CAST: variants seen among roughly 807,000 people sequenced by gnomAD.
CAST encodes the protein calpastatin, also known as MIR583 host.
A neutral mutation model predicts 119.6 loss-of-function variants in CAST; 76 were observed. That is an observed-to-expected ratio of 0.64 (90% CI 0.53 to 0.77). CAST has a LOEUF of 0.77. Ranked by LOEUF, CAST falls within the 30% of genes least tolerant of loss-of-function variation. The probability of loss-of-function intolerance (pLI) is 0.00; values close to 1 mark genes in which losing one functional copy is unlikely to be tolerated. For synonymous variants in CAST, 319 were observed against 331.6 expected (o/e 0.96, Z 0.41); for missense variants, 953 against 946.5 (o/e 1.01, Z -0.09).
chr5:96,729,181 A>T lies in CAST; in HGVS notation c.407A>T (p.Gln136Leu). The T allele has an allele frequency of 5.0e-6, 8 of 1,602,292 alleles. No individual in the cohort carries two copies. Among genetic ancestry groups the T allele is most frequent in the Non-Finnish European group, 6.8e-6 (8 of 1,170,174 alleles). The change falls in exon 7 of 32, where the codon CAA (glutamine) becomes CTA (leucine). Residue 136 changes from glutamine to leucine, a missense_variant. By Grantham distance (113) the Gln-to-Leu change is moderately radical. Coordinates refer to ENST00000675179, the MANE Select transcript of CAST (RefSeq NM_001750.7). ...TCTGTGGTTCATGAGAAAAAATCCC[A>T]AGAAGGAAAGCCAAAAGAACACACA... The part of the protein sequence containing the change: ...KLSVVHEKKS[Q>L]EGKPKEHTEP...
the CAST span, among the ~76,000 whole-genome samples, chr5:96,492,997 AC>A: frequency 6.6e-6 from 1 of 152,266 alleles, no homozygotes; most frequent in Non-Finnish European, 1.5e-5. Flanking sequence ...CCCCGTTTTT[AC>A]AAAAACAAAC....
At chr5:96,664,435 A>T (rs892717588) in intron 1 of CAST, among the ~76,000 whole-genome samples, 6 of 151,910 alleles carry the variant, frequency 3.9e-5, no homozygotes, top group Non-Finnish European at 8.8e-5. Flanking sequence ...ACACACATAC[A>T]ATATACTGTA....
the CAST span, among the ~76,000 whole-genome samples, chr5:96,201,255 T>C: frequency 4.3e-3 from 659 of 152,322 alleles, 4 homozygotes; most frequent in African/African-American, 0.015. Flanking sequence ...TTAGCAACTA[T>C]GTGCTAAGTG....
At chr5:96,256,105 A>C in the CAST span, among the ~76,000 whole-genome samples, 1 of 151,626 alleles carries the variant, frequency 6.6e-6, no homozygotes, top group Non-Finnish European at 1.5e-5. Flanking sequence ...TTCTCAGAGC[A>C]TGGTTAAGGA....
At chr5:96,220,470 C>CT in the CAST span, among the ~76,000 whole-genome samples, 9 of 152,068 alleles carry the variant, frequency 5.9e-5, no homozygotes, top group Non-Finnish European at 8.8e-5. Context: ...AGGAATAAAC[C>CT]TTTGAAATTA....
intron 1 of CAST, among the ~76,000 whole-genome samples, chr5:96,618,811 G>A (rs183928580): frequency 8.5e-5 from 13 of 152,148 alleles, no homozygotes; most frequent in East Asian, 1.9e-4. Flanking sequence ...GTGGGCTCCC[G>A]GGGGACCTGA....
the CAST span, among the ~76,000 whole-genome samples, chr5:96,263,240 C>CA: frequency 6.6e-6 from 1 of 152,070 alleles, no homozygotes. Context: ...CTGCCTGTAT[C>CA]CCAGAGTTCT....
chr5:96,061,666 T>C, the CAST span, among the ~76,000 whole-genome samples: 7 of 135,562 alleles, frequency 5.2e-5, no homozygotes, highest in South Asian at 2.4e-4. Context: ...TGTGTGTGTG[T>C]GCGTGTGTGT....
At chr5:96,728,745 G>C (rs1759828269) in intron 6 of CAST, 1 of 158,730 alleles carries the variant, frequency 6.3e-6, no homozygotes, top group Admixed American at 6.2e-5. Flanking sequence ...CCAAAGTGCT[G>C]GGATTACAGG....
chr5:96,060,175 C>T, the CAST span, among the ~76,000 whole-genome samples: 2 of 152,138 alleles, frequency 1.3e-5, no homozygotes, highest in East Asian at 3.9e-4. Flanking sequence ...AGTTTGCATT[C>T]ACTAGAATAA....
intron 1 of CAST, among the ~76,000 whole-genome samples, chr5:96,573,050 G>A (rs1746598375): frequency 6.6e-6 from 1 of 152,226 alleles, no homozygotes; most frequent in Non-Finnish European, 1.5e-5. Context: ...ACAAAGCTAT[G>A]ATACTGAAGG....
At chr5:96,572,649 C>G (rs1406778443) in intron 1 of CAST, among the ~76,000 whole-genome samples, 1 of 152,186 alleles carries the variant, frequency 6.6e-6, no homozygotes, top group Non-Finnish European at 1.5e-5. Flanking sequence ...ATCTCCTGGC[C>G]TTTTCTTCCA....
chr5:95,961,508 G>A, the CAST span: 3 of 1,380,396 alleles, frequency 2.2e-6, no homozygotes, highest in Non-Finnish European at 2.8e-6. Context: ...CCCGCACCCG[G>A]GCGCGGCCAG....
chr5:96,764,619 G>A (rs998937356), intron 25 of CAST, among the ~76,000 whole-genome samples: 3 of 152,128 alleles, frequency 2.0e-5, no homozygotes, highest in African/African-American at 7.2e-5. Context: ...TTGTGCTTTA[G>A]GAAGTATTAG....
At chr5:96,049,519 GGGC>G in the CAST span, among the ~76,000 whole-genome samples, 75 of 152,324 alleles carry the variant, frequency 4.9e-4, no homozygotes, top group East Asian at 1.9e-4. Context: ...CAAGCGTCAG[GGGC>G]TGATTGAATG....
chr5:96,260,036 T>C, the CAST span, among the ~76,000 whole-genome samples: 1 of 152,116 alleles, frequency 6.6e-6, no homozygotes, highest in East Asian at 1.9e-4. Flanking sequence ...TTCTTTTTTT[T>C]CCATACGCCA....
chr5:96,661,873 C>G (rs73774356), upstream of CAST, among the ~76,000 whole-genome samples: 1 of 152,086 alleles, frequency 6.6e-6, no homozygotes, highest in South Asian at 2.1e-4. Context: ...CACACACACA[C>G]AGACCAATTT....
the CAST span, among the ~76,000 whole-genome samples, chr5:96,042,616 C>G: frequency 6.6e-6 from 1 of 152,042 alleles, no homozygotes; most frequent in Non-Finnish European, 1.5e-5. Context: ...GTGGAGCCTC[C>G]CATTTAGCCT....
chr5:96,738,634 T>TA (rs988662162), intron 11 of CAST, among the ~76,000 whole-genome samples: 5 of 151,230 alleles, frequency 3.3e-5, no homozygotes, highest in Non-Finnish European at 5.9e-5. Context: ...TCCTTGGTAT[T>TA]AAAAAAAAGA....
Sources: allele counts gnomAD v4.1 joint callset (sites outside exome capture counted in the v4.1 genomes callset), GRCh38; gene constraint gnomAD v4.1.1; transcripts MANE v1.5; gene names NCBI Gene and HGNC (gene_info 2026-07-23, HGNC 2026-07-21).